The following PHACTR1 variants were observed in gnomAD, a reference collection of about 807,000 sequenced individuals.
The protein encoded by PHACTR1 is RPEL repeat containing 1.
Under a neutral mutation model 69.2 loss-of-function variants are expected in PHACTR1, and 16 were observed. That is an observed-to-expected ratio of 0.23 (90% confidence interval 0.16 to 0.35). PHACTR1 has a LOEUF of 0.35. Among genes scored for constraint, PHACTR1 ranks in the 10% least tolerant of loss-of-function variants. The pLI, the probability that PHACTR1 is intolerant of heterozygous loss-of-function variation, is 1.00. For missense variants in PHACTR1, 510 were observed against 734.7 expected (o/e 0.69, Z 3.54); for synonymous variants, 312 against 284.5 (o/e 1.10, Z -0.97).
At chr6:12,900,234 C>T (rs532618073) in intron 4 of PHACTR1, among the ~76,000 whole-genome samples, 1 of 152,074 alleles carries the variant, frequency 6.6e-6, no homozygotes, top group Non-Finnish European at 1.5e-5. Flanking sequence ...GTCTGAATCC[C>T]TCCTTCCCCC....
At chr6:12,739,459 A>G (rs948319723) in intron 3 of PHACTR1, among the ~76,000 whole-genome samples, 1 of 152,184 alleles carries the variant, frequency 6.6e-6, no homozygotes, top group African/African-American at 2.4e-5. Context: ...TTTTCTAAGT[A>G]TTAGTACTTA....
At chr6:13,163,662 A>G (rs1453799887) in intron 6 of PHACTR1, among the ~76,000 whole-genome samples, 1 of 152,196 alleles carries the variant, frequency 6.6e-6, no homozygotes, top group African/African-American at 2.4e-5. Context: ...TCATTGCCTC[A>G]TATTATAGTA....
At chr6:13,093,125 G>A (rs997502319) in intron 5 of PHACTR1, among the ~76,000 whole-genome samples, 6 of 152,050 alleles carry the variant, frequency 3.9e-5, no homozygotes, top group Non-Finnish European at 8.8e-5. Context: ...AGTGATCTTG[G>A]GCAATATGTA....
In PHACTR1 at chr6:12,784,933, T is replaced by G. The variant is rs1220038802; in HGVS notation, c.250+35143T>G. On this transcript the variant is annotated intron_variant, in intron 4 of 14. Coordinates refer to ENST00000332995, the MANE Select transcript of PHACTR1 (RefSeq NM_030948.6). ...CATGTCGATCAGGCTGGTCTCGAAC[T>G]CCCAACCTCAGATGATCCGCCCACC... 2.6e-5 allele frequency among the ~76,000 whole-genome samples: 4 copies of G among 151,862 alleles called. No homozygotes were observed. The East Asian group carries it at 7.7e-4, about 29-fold the overall frequency.
At chr6:12,750,086 G>A (rs1167982631) in intron 4 of PHACTR1, among the ~76,000 whole-genome samples, 1 of 152,124 alleles carries the variant, frequency 6.6e-6, no homozygotes, top group Non-Finnish European at 1.5e-5. Context: ...AGCCCGGGCC[G>A]CGCGCCCATG....
intron 4 of PHACTR1, among the ~76,000 whole-genome samples, chr6:12,792,616 C>T (rs758042621): frequency 7.9e-5 from 12 of 151,760 alleles, no homozygotes; most frequent in East Asian, 1.9e-4. Flanking sequence ...TCCAGGGTTG[C>T]GAAAATTTCA....
chr6:12,853,530 G>A (rs978908801), intron 4 of PHACTR1, among the ~76,000 whole-genome samples: 4 of 152,202 alleles, frequency 2.6e-5, no homozygotes, highest in Non-Finnish European at 5.9e-5. Flanking sequence ...GTATTAGTCC[G>A]TTCTCACACT....
At chr6:13,085,686 G>T (rs993321848) in intron 5 of PHACTR1, among the ~76,000 whole-genome samples, 23 of 151,964 alleles carry the variant, frequency 1.5e-4, no homozygotes, top group African/African-American at 5.6e-4. Context: ...AAGAAGTGAG[G>T]ATATAGAAAG....
chr6:13,244,978 A>C (rs927515535), intron 10 of PHACTR1, among the ~76,000 whole-genome samples: 15 of 152,238 alleles, frequency 9.9e-5, no homozygotes, highest in African/African-American at 3.6e-4. Context: ...AAATTACAAA[A>C]GTATTAATTT....
intron 4 of PHACTR1, among the ~76,000 whole-genome samples, chr6:13,021,981 C>T (rs889492462): frequency 1.3e-5 from 2 of 152,208 alleles, no homozygotes; most frequent in East Asian, 3.9e-4. Context: ...TAAATGTCAC[C>T]TGCCCATGCT....
intron 4 of PHACTR1, among the ~76,000 whole-genome samples, chr6:12,903,203 C>T (rs4714955): frequency 0.26 from 39,908 of 151,818 alleles, 6,169 homozygotes; most frequent in Middle Eastern, 0.37. Context: ...GTGGGAATGC[C>T]GTCAAGGGTT....
chr6:12,784,816 G>A (rs555293776), intron 4 of PHACTR1, among the ~76,000 whole-genome samples: 1 of 152,074 alleles, frequency 6.6e-6, no homozygotes, highest in South Asian at 2.1e-4. Context: ...CCGGATTCAA[G>A]TGATTCTCCT....
At chr6:12,830,967 A>C (rs1449031111) in intron 4 of PHACTR1, among the ~76,000 whole-genome samples, 1 of 152,088 alleles carries the variant, frequency 6.6e-6, no homozygotes, top group Non-Finnish European at 1.5e-5. Context: ...TGTTACATGG[A>C]TATATTGCGT....
At chr6:13,153,755 C>T (rs542928695) in intron 5 of PHACTR1, among the ~76,000 whole-genome samples, 22 of 152,164 alleles carry the variant, frequency 1.4e-4, no homozygotes, top group African/African-American at 3.9e-4. Flanking sequence ...AACTAGACTC[C>T]GGATTTTTCT....
intron 4 of PHACTR1, among the ~76,000 whole-genome samples, chr6:12,910,205 G>C (rs771423605): frequency 2.0e-5 from 3 of 152,150 alleles, no homozygotes; most frequent in Non-Finnish European, 4.4e-5. Context: ...GAGCTCTACT[G>C]TATAAGCTGA....
At chr6:13,076,204 C>T (rs1196834068) in intron 5 of PHACTR1, among the ~76,000 whole-genome samples, 1 of 152,080 alleles carries the variant, frequency 6.6e-6, no homozygotes, top group Non-Finnish European at 1.5e-5. Context: ...ACTGAGCACA[C>T]ACTAATGGAA....
chr6:12,787,885 G>A (rs1174211475), intron 4 of PHACTR1, among the ~76,000 whole-genome samples: 1 of 152,138 alleles, frequency 6.6e-6, no homozygotes, highest in Non-Finnish European at 1.5e-5. Context: ...GGCCAGGCAC[G>A]GTGGCTCATG....
At chr6:12,992,351 T>C (rs1796914313) in intron 4 of PHACTR1, among the ~76,000 whole-genome samples, 3 of 152,370 alleles carry the variant, frequency 2.0e-5, no homozygotes, top group South Asian at 2.1e-4. Context: ...AGAAGCTAAA[T>C]ATAGCCTCTG....
intron 10 of PHACTR1, among the ~76,000 whole-genome samples, chr6:13,260,850 G>C (rs1775811047): frequency 6.6e-6 from 1 of 152,176 alleles, no homozygotes. Context: ...GCTCCAAAAG[G>C]CCACTGGATT....
Sources: allele counts gnomAD v4.1 joint callset (sites outside exome capture counted in the v4.1 genomes callset), GRCh38; gene constraint gnomAD v4.1.1; transcripts MANE v1.5; gene names NCBI Gene and HGNC (gene_info 2026-07-23, HGNC 2026-07-21).